LNPK: variants seen among roughly 807,000 people sequenced by gnomAD.
LNPK encodes lunapark, ER junction formation factor.
LNPK carries 29 observed loss-of-function variants against 55.2 expected under a neutral mutation model. That is an observed-to-expected ratio of 0.53 (90% confidence interval 0.39 to 0.72). LNPK has a LOEUF of 0.72. LNPK is among the 30% of genes least tolerant of loss of function. The probability of loss-of-function intolerance (pLI) is 0.00; values close to 1 mark genes in which losing one functional copy is unlikely to be tolerated. For missense variants in LNPK, 467 were observed against 494.8 expected (o/e 0.94, Z 0.53); for synonymous variants, 162 against 168.2 (o/e 0.96, Z 0.29).
chr2:175,929,986 T>C lies in LNPK; in HGVS notation c.1268A>G (p.Glu423Gly), dbSNP rs1465384695. 1.2e-6 allele frequency: 2 copies of C among 1,613,854 alleles called. No individual in the cohort carries two copies. The highest frequency in any genetic ancestry group is 2.2e-5 in the South Asian group (2 of 91,080). Residue 423 changes from glutamate to glycine, a missense_variant, in exon 13 of 13, where the codon GAA becomes GGA. Glu to Gly is a moderately conservative substitution (Grantham distance 98). Coordinates refer to ENST00000272748, the MANE Select transcript of LNPK (RefSeq NM_030650.3). ...CATTTACTACTCTGCCGTCAAAGAT[T>C]CTCCACTTAGTTCAGGATCAGGAAT... ...DSIPDPELSG[E>G]SLTAE
chr2:175,965,756 C>T (rs1039202303), intron 6 of LNPK, among the ~76,000 whole-genome samples: 1 of 151,722 alleles, frequency 6.6e-6, no homozygotes, highest in Admixed American at 6.6e-5. Context: ...AACAAGTTGA[C>T]TTTTCTGATG....
intron 8 of LNPK, among the ~76,000 whole-genome samples, chr2:175,959,660 G>A (rs1685903451): frequency 6.6e-6 from 1 of 152,098 alleles, no homozygotes; most frequent in Non-Finnish European, 1.5e-5. Flanking sequence ...CAACTAACAA[G>A]CAAAATAACC....
chr2:175,959,501 A>T (rs1559047049), intron 8 of LNPK, among the ~76,000 whole-genome samples: 1 of 152,196 alleles, frequency 6.6e-6, no homozygotes, highest in Non-Finnish European at 1.5e-5. Flanking sequence ...CTTTACAGAC[A>T]AGCAAATGCT....
At chr2:175,947,713 C>G (rs2105565665) in intron 8 of LNPK, 21 bp from the exon 9 acceptor site, 16 of 1,544,252 alleles carry the variant, frequency 1.0e-5, no homozygotes, top group Non-Finnish European at 1.3e-5. Flanking sequence ...TAAGTACATA[C>G]TAGACTTAAT....
chr2:175,988,066 T>C (rs1465409410), intron 4 of LNPK, among the ~76,000 whole-genome samples: 5 of 152,234 alleles, frequency 3.3e-5, no homozygotes, highest in Admixed American at 3.3e-4. Context: ...TGGTGGTTTT[T>C]CACCAACCTT....
Position 175,937,381 on chromosome 2 carries a change from T to A in LNPK, c.1017A>T (p.Ser339=), listed in dbSNP as rs752982922. The change falls in exon 12 of 13, where the codon TCA becomes TCT. Residue 339 remains serine, a synonymous_variant. Transcript: ENST00000272748. The part of the protein sequence containing the change: ...EGSSSVGPLP[S]GSVLSSDNQF... ...GGTTGTCTGATGAAAGCACACTTCCTGATGGCAAGGGACCAACTGAACTTG... is the reference window on the plus strand; with the variant it reads ...GGTTGTCTGATGAAAGCACACTTCCAGATGGCAAGGGACCAACTGAACTTG... 2.9e-5 allele frequency: 47 copies of A among 1,613,642 alleles called. No individual in the cohort carries two copies. The South Asian group carries it at 5.1e-4, about 17-fold the overall frequency.
intron 8 of LNPK, 42 bp from the exon 9 acceptor site, chr2:175,947,734 C>A (rs1389052059): frequency 1.6e-5 from 21 of 1,324,842 alleles, no homozygotes; most frequent in Non-Finnish European, 2.1e-5. Flanking sequence ...TTCCAATATA[C>A]CATATTAGCC....
Position 175,929,876 on chromosome 2 carries a change from G to C in LNPK, c.*91C>G. 1.3e-6 allele frequency: 2 copies of C among 1,558,236 alleles called. No homozygotes were observed. Among genetic ancestry groups the C allele is most frequent in the African/African-American group, 1.4e-5 (1 of 73,298 alleles). ...CAAATGATACACAAGCATACCCTTA[G>C]AGGGGCAAAAAAAGTAAGTGCCACC... On this transcript the variant is annotated 3_prime_UTR_variant, in exon 13 of 13. Transcript: ENST00000272748.
rs10674444 is a variant in LNPK, at chr2:175,995,804, C to CTTTTTTTTTTTTTT, written c.-62-172_-62-159dup. On this transcript the variant is annotated intron_variant, in intron 1 of 12. Transcript: ENST00000272748. ...AGACAGTTATTGGGATAGAGTCTACCTTTTTTTTTTTTTTTTTTTTTTTTT... is the reference window on the plus strand; with the variant it reads ...AGACAGTTATTGGGATAGAGTCTACCTTTTTTTTTTTTTTTTTTTTTTTTTTTTTTTTTTTTTTT... Among the ~76,000 whole-genome samples, 8 of 66,424 alleles carry CTTTTTTTTTTTTTT rather than the reference C, an allele frequency of 1.2e-4. 1 individual carries two copies. Among genetic ancestry groups the CTTTTTTTTTTTTTT allele is most frequent in the Admixed American group, 2.8e-4 (1 of 3,586 alleles). 43.6% of individuals were successfully genotyped at this position (66,424 alleles called of 152,430 possible). A position where few individuals can be genotyped will look rare whatever the true frequency, so the allele number is the denominator to read the frequency against.
At chr2:175,978,083 A>T (rs1387578421) in intron 5 of LNPK, among the ~76,000 whole-genome samples, 1 of 152,204 alleles carries the variant, frequency 6.6e-6, no homozygotes, top group African/African-American at 2.4e-5. Context: ...CTAACTTTAC[A>T]TACATTCAGC....
intron 6 of LNPK, among the ~76,000 whole-genome samples, chr2:175,969,909 C>G (rs1044621785): frequency 6.6e-6 from 1 of 152,112 alleles, no homozygotes; most frequent in Non-Finnish European, 1.5e-5. Flanking sequence ...AAACCAGTAT[C>G]TATTATCATC....
intron 12 of LNPK, chr2:175,932,034 T>C: frequency 2.6e-6 from 1 of 381,560 alleles, no homozygotes; most frequent in Non-Finnish European, 5.2e-6. Context: ...AACAAACCAA[T>C]AAAGCCACAA....
intron 4 of LNPK, 86 bp downstream of exon 4, chr2:175,992,145 A>G: frequency 1.2e-6 from 1 of 825,038 alleles, no homozygotes; most frequent in Non-Finnish European, 1.8e-6. Context: ...ATTTAATAAT[A>G]AAGAGACCGA....
chr2:175,988,145 A>C (rs1687514133), intron 4 of LNPK, among the ~76,000 whole-genome samples: 1 of 152,188 alleles, frequency 6.6e-6, no homozygotes. Context: ...TTTTTCAAAC[A>C]ACCATATCAT....
At chr2:175,943,369 GAATA>G (rs1227062618) in intron 9 of LNPK, among the ~76,000 whole-genome samples, 1 of 151,514 alleles carries the variant, frequency 6.6e-6, no homozygotes, top group African/African-American at 2.4e-5. Flanking sequence ...ATTGAATAGG[GAATA>G]CTTACTCATA....
chr2:175,949,705 C>T (rs781196426), intron 8 of LNPK, among the ~76,000 whole-genome samples: 6 of 151,868 alleles, frequency 4.0e-5, no homozygotes, highest in Admixed American at 6.6e-5. Flanking sequence ...AGAGATGTAC[C>T]TTAATAATTC....
In LNPK at chr2:175,930,004, TC is replaced by T. The variant is rs747757845; in HGVS notation, c.1249del (p.Asp417IlefsTer4). On this transcript the variant is annotated frameshift_variant, in exon 13 of 13. Transcript: ENST00000272748. LOFTEE classifies it high-confidence loss of function. ...CAAAGATTCTCCACTTAGTTCAGGA[TC>T]AGGAATAGAATCAGCTCCAGGAACT... is the stretch of plus-strand genomic sequence containing the variant. ...STVPGADSIP[D>X]PELSGESLTA... 14 of 1,613,886 alleles carry T rather than the reference TC, an allele frequency of 8.7e-6. No homozygotes were observed.
intron 4 of LNPK, 43 bp downstream of exon 4, chr2:175,992,188 A>T: frequency 7.8e-7 from 1 of 1,281,798 alleles, no homozygotes; most frequent in Non-Finnish European, 1.1e-6. Flanking sequence ...AAGACTCTCT[A>T]GTCAGAAAAG....
chr2:175,982,675 A>AT (rs1687228067), intron 4 of LNPK, among the ~76,000 whole-genome samples: 2 of 152,222 alleles, frequency 1.3e-5, no homozygotes, highest in Non-Finnish European at 2.9e-5. Flanking sequence ...GATTACAGGC[A>AT]TAAACCATCA....
Sources: allele counts gnomAD v4.1 joint callset (sites outside exome capture counted in the v4.1 genomes callset), GRCh38; gene constraint gnomAD v4.1.1; transcripts MANE v1.5; gene names NCBI Gene and HGNC (gene_info 2026-07-23, HGNC 2026-07-21).